Variants in EIF4E3 observed in about 807,000 individuals in gnomAD.
EIF4E3 encodes eukaryotic translation initiation factor 4E family member 3.
A neutral mutation model predicts 31.7 loss-of-function variants in EIF4E3; 26 were observed. The ratio of observed to expected loss-of-function variants is 0.82; its 90% CI spans 0.60 to 1.14. The LOEUF (loss-of-function observed/expected upper bound fraction) is 1.14, where lower values mean the gene tolerates loss of function less well. Among genes scored for constraint, EIF4E3 ranks in the 50% most tolerant of loss-of-function variants. EIF4E3 has a pLI of 0.00. For missense variants in EIF4E3, 304 were observed against 270.9 expected, an observed-to-expected ratio of 1.12 and a Z score of -0.86; for synonymous variants, 128 against 107.7, an observed-to-expected ratio of 1.19 and a Z score of -1.17.
At chr3:71,730,447 A>C (rs183045521) in intron 1 of EIF4E3, among the ~76,000 whole-genome samples, 1 of 152,358 alleles carries the variant, frequency 6.6e-6, no homozygotes, top group East Asian at 1.9e-4. Context: ...AGTGTTATTT[A>C]TCTAGATTCC....
At chr3:71,712,782 G>A (rs772260246) in intron 1 of EIF4E3, among the ~76,000 whole-genome samples, 2 of 141,656 alleles carry the variant, frequency 1.4e-5, no homozygotes, top group Admixed American at 7.5e-5. Context: ...TAATGCAAAT[G>A]TTTGCTTCAT....
Position 71,684,734 on chromosome 3 carries a change from G to A in EIF4E3, c.629-6C>T. ...AGCATGATGCTCTTCATGGGCTAAAGGACAGAAAAAAAACAAAAAAGAAAA... is the reference window on the plus strand; with the variant it reads ...AGCATGATGCTCTTCATGGGCTAAAAGACAGAAAAAAAACAAAAAAGAAAA... On this transcript the variant is annotated splice_region_variant and splice_polypyrimidine_tract_variant and intron_variant, in intron 6 of 6. Transcript: ENST00000425534. The A allele has an allele frequency of 6.2e-7, 1 of 1,613,134 alleles. No individual in the cohort carries two copies. Among genetic ancestry groups the A allele is most frequent in the South Asian group, 1.1e-5 (1 of 90,944 alleles).
chr3:71,696,337 C>T, intron 4 of EIF4E3, 123 bp downstream of exon 4: 3 of 960,612 alleles, frequency 3.1e-6, no homozygotes, highest in Non-Finnish European at 4.8e-6. Context: ...CAGAATTTCT[C>T]ACCCCCAGCC....
At chr3:71,753,659 GGCGGCGGCGGCA>G, upstream of EIF4E3, 1 of 148,846 alleles carries the variant, frequency 6.7e-6, no homozygotes, top group African/African-American at 2.5e-5. Context: ...CGGCGGCGGC[GGCGGCGGCGGCA>G]GCGGCGGCAG....
intron 1 of EIF4E3, among the ~76,000 whole-genome samples, chr3:71,721,991 A>G (rs373181398): frequency 2.6e-4 from 38 of 148,634 alleles, no homozygotes; most frequent in African/African-American, 9.4e-4. Context: ...AGCAGAAAGA[A>G]GGGCATGGCA....
chr3:71,747,125 T>C (rs78677143), intron 1 of EIF4E3, among the ~76,000 whole-genome samples: 190 of 152,338 alleles, frequency 1.2e-3, no homozygotes, highest in Non-Finnish European at 2.3e-3. Flanking sequence ...CATGTTTTCA[T>C]TTCTCTTGGG....
At chr3:71,728,834 A>T (rs2049670149), upstream of EIF4E3, 1 of 152,218 alleles carries the variant, frequency 6.6e-6, no homozygotes, top group Non-Finnish European at 1.5e-5. Context: ...TTAGACAGGG[A>T]TCACTTTTCC....
chr3:71,754,653 C>T (rs753435743), upstream of EIF4E3: 8 of 1,499,844 alleles, frequency 5.3e-6, no homozygotes, highest in Non-Finnish European at 7.1e-6. The surrounding 1 kb of genome is among the most constrained non-coding windows in gnomAD (Gnocchi z 5.8). Context: ...CCTCGTCTAC[C>T]TCCGCCTGCT....
intron 2 of EIF4E3, among the ~76,000 whole-genome samples, chr3:71,703,705 C>T (rs2049249988): frequency 6.7e-6 from 1 of 149,706 alleles, no homozygotes; most frequent in African/African-American, 2.5e-5. Context: ...AAAGAATGCA[C>T]TTGGAAATTC....
In EIF4E3 at chr3:71,676,315, T is replaced by C. The variant is rs1250688731; in HGVS notation, c.*8367A>G. On this transcript the variant is annotated 3_prime_UTR_variant, in exon 7 of 7. Transcript: ENST00000425534. ...TCCTGTAGGTCAGGATAATGGTTAT[T>C]TTAGTGGAGAGGGCGGGGACACAAG... The C allele has an allele frequency of 6.6e-6, 1 of 152,108 alleles. No homozygotes were observed. The highest frequency in any genetic ancestry group is 1.5e-5 in the Non-Finnish European group (1 of 68,016). 9.4% of individuals were successfully genotyped at this position (152,108 alleles called of 1,614,324 possible). A position where few individuals can be genotyped will look rare whatever the true frequency, so the allele number is the denominator to read the frequency against.
chr3:71,718,941 T>A (rs771563647), intron 1 of EIF4E3, among the ~76,000 whole-genome samples: 13 of 152,236 alleles, frequency 8.5e-5, no homozygotes, highest in Non-Finnish European at 1.9e-4. Flanking sequence ...AGCCACTCTG[T>A]CCCTGTCAAC....
At chr3:71,724,362 A>G (rs372425561) in intron 1 of EIF4E3, among the ~76,000 whole-genome samples, 1 of 152,310 alleles carries the variant, frequency 6.6e-6, no homozygotes, top group African/African-American at 2.4e-5. Context: ...GGAGCTGGGG[A>G]GACAGACTGA....
intron 2 of EIF4E3, among the ~76,000 whole-genome samples, chr3:71,708,831 G>C (rs762122188): frequency 9.2e-5 from 14 of 152,160 alleles, no homozygotes; most frequent in Non-Finnish European, 1.9e-4. Flanking sequence ...GACTCTTAGC[G>C]CGTTGATTTC....
chr3:71,702,191 C>T (rs1382532344), intron 2 of EIF4E3, among the ~76,000 whole-genome samples: 1 of 152,184 alleles, frequency 6.6e-6, no homozygotes, highest in African/African-American at 2.4e-5. Context: ...AAGATATTTT[C>T]CCACCAGTAA....
rs145237849 is a variant in EIF4E3, at chr3:71,750,487, G to A, written c.-291+2976C>T. Among the ~76,000 whole-genome samples the A allele has an allele frequency of 5.5e-4, 83 of 152,288 alleles. No homozygotes were observed. The East Asian group carries it at 6.9e-3, about 13-fold the overall frequency. On this transcript the variant is annotated intron_variant, in intron 1 of 7. Transcript: ENST00000295612. ...TGGTTTTGAAAAATCCTTCCCTCTCGAAAGGGGTTATAATTCTGTGCCCGG... is the reference window on the plus strand; with the variant it reads ...TGGTTTTGAAAAATCCTTCCCTCTCAAAAGGGGTTATAATTCTGTGCCCGG...
intron 2 of EIF4E3, among the ~76,000 whole-genome samples, chr3:71,706,205 G>A (rs13077647): frequency 0.079 from 11,988 of 152,142 alleles, 548 homozygotes; most frequent in Non-Finnish European, 0.099. Context: ...ATCACGGGGA[G>A]TAAAAGAAAG....
intron 5 of EIF4E3, among the ~76,000 whole-genome samples, chr3:71,690,576 GT>G (rs2049050951): frequency 6.6e-6 from 1 of 152,174 alleles, no homozygotes; most frequent in South Asian, 2.1e-4. Context: ...TGCTGTCTTT[GT>G]TAAGGAGAGC....
rs56982495 is a variant in EIF4E3 at position 71,738,978 on chromosome 3, G to GTATATATATATATATATATA, written c.-290-10375_-290-10356dup. 3.3e-3 allele frequency among the ~76,000 whole-genome samples: 319 copies of GTATATATATATATATATATA among 95,704 alleles called. 16 individuals are homozygous for GTATATATATATATATATATA. The highest frequency in any genetic ancestry group is 0.012 in the African/African-American group (228 of 19,700). The allele number at this position is 95,704 out of a possible 152,430, so 62.8% of individuals were successfully genotyped here. On this transcript the variant is annotated intron_variant, in intron 1 of 7. Transcript: ENST00000295612. ...TTTCCAAATGCCTGAAAATTGAACAGTATATATATATATATATATATATAT... is the reference window on the plus strand; with the variant it reads ...TTTCCAAATGCCTGAAAATTGAACAGTATATATATATATATATATATATATATATATATATATATATATAT...
At chr3:71,671,655 G>A (rs947460657), downstream of EIF4E3, among the ~76,000 whole-genome samples, 15 of 152,008 alleles carry the variant, frequency 9.9e-5, no homozygotes, top group African/African-American at 1.7e-4. Flanking sequence ...CCTACTCTCC[G>A]GGCGGCGGGG....
Sources: allele counts gnomAD v4.1 joint callset (sites outside exome capture counted in the v4.1 genomes callset), GRCh38; gene constraint gnomAD v4.1.1; non-coding constraint Gnocchi (gnomAD v3.1); transcripts MANE v1.5; gene names NCBI Gene and HGNC (gene_info 2026-07-23, HGNC 2026-07-21).